PAPSS2: variants seen among roughly 807,000 people sequenced by gnomAD.
The protein encoded by PAPSS2 is 3'-phosphoadenosine 5'-phosphosulfate synthase 2, also known as bifunctional 3'-phosphoadenosine 5'-phosphosulfate synthase 2.
A neutral mutation model predicts 66.5 loss-of-function variants in PAPSS2; 61 were observed. The observed-to-expected ratio is 0.92, with a 90% CI of 0.75 to 1.14. PAPSS2 has a LOEUF of 1.14. Ranked by LOEUF, PAPSS2 falls within the 50% of genes most tolerant of loss-of-function variation. The probability of loss-of-function intolerance (pLI) is 0.00; values close to 1 mark genes in which losing one functional copy is unlikely to be tolerated. For synonymous variants in PAPSS2, 289 were observed against 287.5 expected, an observed-to-expected ratio of 1.01 and a Z score of -0.05; for missense variants, 708 against 789.6, an observed-to-expected ratio of 0.90 and a Z score of 1.24.
Position 87,721,739 on chromosome 10 carries a change from T to G in PAPSS2, c.866-17T>G, listed in dbSNP as rs1589437369. The G allele has an allele frequency of 2.6e-6, 4 of 1,528,598 alleles. No homozygotes were observed. In the East Asian group the frequency reaches 9.7e-5, roughly 37 times the overall value. 94.7% of individuals were successfully genotyped at this position (1,528,598 alleles called of 1,614,324 possible). On this transcript the variant is annotated splice_polypyrimidine_tract_variant and intron_variant, in intron 7 of 12. Coordinates refer to ENST00000456849, the MANE Select transcript of PAPSS2 (RefSeq NM_001015880.2). ...GAGAGCTGAAAATGTTTCTTAATTG[T>G]GTTTATATTTCCCTAGGCATGGCCC...
At chr10:87,724,261 TA>T (rs916812643) in intron 8 of PAPSS2, among the ~76,000 whole-genome samples, 196 of 136,050 alleles carry the variant, frequency 1.4e-3, no homozygotes, top group South Asian at 1.4e-3. Context: ...ATAGTCTTAC[TA>T]AAAAAAAAAA....
intron 1 of PAPSS2, among the ~76,000 whole-genome samples, chr10:87,704,455 A>C (rs564699858): frequency 7.3e-4 from 111 of 152,318 alleles, no homozygotes; most frequent in African/African-American, 2.4e-3. Flanking sequence ...AAACTAGAGG[A>C]AACAAAACTG....
chr10:87,680,239 G>A (rs1322816092), intron 1 of PAPSS2, among the ~76,000 whole-genome samples: 1 of 152,194 alleles, frequency 6.6e-6, no homozygotes, highest in Admixed American at 6.5e-5. Flanking sequence ...TTGGGAACTA[G>A]ACCCGTTACT....
At chr10:87,704,328 G>A (rs915925457) in intron 1 of PAPSS2, among the ~76,000 whole-genome samples, 13 of 152,124 alleles carry the variant, frequency 8.5e-5, no homozygotes, top group Non-Finnish European at 8.8e-5. Context: ...AACTGTTTTC[G>A]AAAAACGAAG....
chr10:87,670,437 A>G lies in PAPSS2; in HGVS notation c.27+10429A>G, dbSNP rs375992778. Among the ~76,000 whole-genome samples, 6 of 152,208 alleles carry G rather than the reference A, an allele frequency of 3.9e-5. No individual in the cohort carries two copies. In the East Asian group the frequency reaches 7.7e-4, roughly 20 times the overall value. ...ATGTTCCTTGGTGTTTGGAAGAAAA[A>G]TTAGGGAGCGTTGTCTCCTTCTAAC... On this transcript the variant is annotated intron_variant, in intron 1 of 12. Coordinates refer to ENST00000456849, the MANE Select transcript of PAPSS2 (RefSeq NM_001015880.2).
intron 1 of PAPSS2, among the ~76,000 whole-genome samples, chr10:87,677,451 C>T (rs11202501): frequency 0.46 from 69,333 of 152,018 alleles, 16,571 homozygotes; most frequent in East Asian, 0.78. Flanking sequence ...TCTAATTCTC[C>T]TATGCAACTA....
At chr10:87,673,577 C>CGTGTGT (rs1852906396) in intron 1 of PAPSS2, among the ~76,000 whole-genome samples, 1 of 107,720 alleles carries the variant, frequency 9.3e-6, no homozygotes, top group African/African-American at 4.1e-5. Flanking sequence ...TGTATGTATT[C>CGTGTGT]ATGTGTGTGT....
intron 1 of PAPSS2, among the ~76,000 whole-genome samples, chr10:87,663,371 C>G (rs1852779093): frequency 6.6e-6 from 1 of 152,088 alleles, no homozygotes; most frequent in Non-Finnish European, 1.5e-5. Context: ...CTTGACCTTC[C>G]AAAGTGCTGG....
intron 1 of PAPSS2, among the ~76,000 whole-genome samples, chr10:87,706,096 A>ATGTG (rs1853381480): frequency 3.5e-5 from 3 of 86,832 alleles, no homozygotes; most frequent in African/African-American, 2.1e-4. Context: ...ATATATATAT[A>ATGTG]TATATATATA....
chr10:87,659,974 C>T lies in PAPSS2; in HGVS notation c.-8C>T. On this transcript the variant is annotated 5_prime_UTR_variant, in exon 1 of 13. Coordinates refer to ENST00000456849, the MANE Select transcript of PAPSS2 (RefSeq NM_001015880.2). ...CCCGGGACCCGGGCTCCGCCGCAGCCAGCCAGCATGTCGGGGATCAAGAAG... is the reference window on the plus strand; with the variant it reads ...CCCGGGACCCGGGCTCCGCCGCAGCTAGCCAGCATGTCGGGGATCAAGAAG... 2 of 1,613,186 alleles carry T rather than the reference C, an allele frequency of 1.2e-6. No individual in the cohort carries two copies. Among genetic ancestry groups the T allele is most frequent in the Non-Finnish European group, 1.7e-6 (2 of 1,179,730 alleles).
intron 1 of PAPSS2, among the ~76,000 whole-genome samples, chr10:87,694,310 G>A (rs79259699): frequency 0.056 from 8,546 of 152,248 alleles, 799 homozygotes; most frequent in African/African-American, 0.19. Context: ...TCTGTGTGGG[G>A]TTGACAATGA....
intron 1 of PAPSS2, among the ~76,000 whole-genome samples, chr10:87,673,689 C>CTTTTTTT (rs34935261): frequency 5.9e-5 from 4 of 67,416 alleles, no homozygotes; most frequent in African/African-American, 1.6e-4. Context: ...TTTTGGCTTA[C>CTTTTTTT]TTTTTTTTTT....
At chr10:87,733,858 G>T (rs1192263033) in intron 9 of PAPSS2, among the ~76,000 whole-genome samples, 2 of 149,684 alleles carry the variant, frequency 1.3e-5, no homozygotes, top group African/African-American at 5.0e-5. Flanking sequence ...CCCCTACTAT[G>T]TCTCCTATCT....
rs367885911 is a variant in PAPSS2, at chr10:87,713,312, T to TAA, written c.381+23_381+24dup. On this transcript the variant is annotated splice_region_variant and intron_variant, in intron 3 of 12. Transcript: ENST00000456849. ...AGCTTTATTTCTCCATTCGCAAAGG[T>TAA]AAAAAAAAAAAAAAAAAAAAAAGGC... The TAA allele has an allele frequency of 0.023, 12,845 of 560,670 alleles. 306 individuals are homozygous for TAA. The highest frequency in any genetic ancestry group is 0.048 in the South Asian group (2,084 of 43,530). 34.7% of individuals were successfully genotyped at this position (560,670 alleles called of 1,614,324 possible).
At chr10:87,684,872 C>A (rs916837590) in intron 1 of PAPSS2, among the ~76,000 whole-genome samples, 4 of 152,186 alleles carry the variant, frequency 2.6e-5, no homozygotes, top group African/African-American at 9.7e-5. Flanking sequence ...AGGCTCCCTA[C>A]CCTCACCCTT....
chr10:87,706,102 ATATATATGTGTGTGTG>A (rs1374714396), intron 1 of PAPSS2, among the ~76,000 whole-genome samples: 3 of 78,316 alleles, frequency 3.8e-5, no homozygotes, highest in African/African-American at 8.3e-5. Context: ...ATATATATAT[ATATATATGTGTGTGTG>A]TGTGTGTGTG....
chr10:87,743,437 C>T lies in PAPSS2; in HGVS notation c.1287C>T (p.Asp429=), dbSNP rs1853895787. The change falls in exon 11 of 13, where the codon GAC becomes GAT. Residue 429 remains aspartate (D), a synonymous_variant. Transcript: ENST00000456849. ...ATGGCCATGCCCTGTTGATGCAGGA[C>T]ACTCGCCGCAGGCTCCTAGAGAGGG... ...VHNGHALLMQ[D]TRRRLLERGY... The T allele has an allele frequency of 6.2e-7, 1 of 1,614,084 alleles. No homozygotes were observed.
In PAPSS2 at chr10:87,724,617, T is replaced by C. The variant is rs1215406717; in HGVS notation, c.881-2667T>C. On this transcript the variant is annotated intron_variant, in intron 8 of 12. Transcript: ENST00000456849. ...ATAAATTTATATATATGCATGTACA[T>C]ATATTAATTTATACATATATTAATT... Among the ~76,000 whole-genome samples, 3 of 147,496 alleles carry C rather than the reference T, an allele frequency of 2.0e-5. No individual in the cohort carries two copies. The East Asian group carries it at 5.9e-4, about 29-fold the overall frequency.
At chr10:87,736,983 G>C (rs947387944) in intron 9 of PAPSS2, among the ~76,000 whole-genome samples, 2 of 152,198 alleles carry the variant, frequency 1.3e-5, no homozygotes, top group Non-Finnish European at 2.9e-5. Context: ...CAGAAGTAGG[G>C]CTGCTCTGAG....
Sources: allele counts gnomAD v4.1 joint callset (sites outside exome capture counted in the v4.1 genomes callset), GRCh38; gene constraint gnomAD v4.1.1; transcripts MANE v1.5; gene names NCBI Gene and HGNC (gene_info 2026-07-23, HGNC 2026-07-21).